The following EFCAB14 variants were observed in gnomAD, a reference collection of about 807,000 sequenced individuals.
The protein encoded by EFCAB14 is EF-hand calcium binding domain 14.
A neutral mutation model predicts 56.5 loss-of-function variants in EFCAB14; 43 were observed. The observed-to-expected ratio is 0.76, with a 90% CI of 0.60 to 0.98. The LOEUF (loss-of-function observed/expected upper bound fraction) is 0.98, where lower values mean the gene tolerates loss of function less well. Among genes scored for constraint, EFCAB14 ranks in the 50% least tolerant of loss-of-function variants. The pLI, the probability that EFCAB14 is intolerant of heterozygous loss-of-function variation, is 0.00. For synonymous variants in EFCAB14, 235 were observed against 212.9 expected, an observed-to-expected ratio of 1.10 and a Z score of -0.90; for missense variants, 538 against 580.3, an observed-to-expected ratio of 0.93 and a Z score of 0.75.
intron 10 of EFCAB14, among the ~76,000 whole-genome samples, chr1:46,682,677 A>G (rs761243006): frequency 2.6e-5 from 4 of 152,198 alleles, no homozygotes; most frequent in Non-Finnish European, 4.4e-5. Flanking sequence ...GCACTCAGTG[A>G]ATGAAGACCC....
At position 46,716,450 on chromosome 1, in the gene EFCAB14, A is replaced by G; in HGVS notation, c.186-7T>C. ...GCATCGTAAATAGTCTCCCCTGCTC[A>G]AGAGGACAAATTCAACCATGAGTAC... On this transcript the variant is annotated splice_region_variant and splice_polypyrimidine_tract_variant and intron_variant, in intron 1 of 10. Coordinates refer to ENST00000371933, the MANE Select transcript of EFCAB14 (RefSeq NM_014774.3). The G allele has an allele frequency of 1.2e-6, 2 of 1,613,672 alleles. No individual in the cohort carries two copies. Among genetic ancestry groups the G allele is most frequent in the Non-Finnish European group, 1.7e-6 (2 of 1,179,844 alleles).
chr1:46,710,931 C>G (rs1275332033), intron 2 of EFCAB14, among the ~76,000 whole-genome samples: 1 of 152,194 alleles, frequency 6.6e-6, no homozygotes, highest in East Asian at 1.9e-4. Context: ...TTTCACTTAA[C>G]AACGTCCTTC....
intron 10 of EFCAB14, among the ~76,000 whole-genome samples, chr1:46,680,738 T>C (rs796324511): frequency 1.3e-5 from 2 of 152,218 alleles, no homozygotes; most frequent in African/African-American, 4.8e-5. Context: ...TTATGGTATG[T>C]GAATTGTATT....
chr1:46,688,012 C>CA (rs1676914605), intron 7 of EFCAB14, among the ~76,000 whole-genome samples: 1 of 152,138 alleles, frequency 6.6e-6, no homozygotes, highest in South Asian at 2.1e-4. Context: ...AGAAAAGACC[C>CA]AAAAGGCCCT....
intron 2 of EFCAB14, among the ~76,000 whole-genome samples, chr1:46,714,282 ATTTC>A (rs1462942369): frequency 6.6e-6 from 1 of 152,128 alleles, no homozygotes; most frequent in Non-Finnish European, 1.5e-5. Context: ...CTGGAGCCAG[ATTTC>A]TTTATGACCT....
At chr1:46,695,380 G>A (rs997635716) in intron 4 of EFCAB14, among the ~76,000 whole-genome samples, 17 of 151,452 alleles carry the variant, frequency 1.1e-4, no homozygotes, top group Admixed American at 9.9e-4. Flanking sequence ...TTTTCCCCCC[G>A]AATTTGTAAG....
Position 46,718,927 on chromosome 1 carries a change from G to C in EFCAB14, c.-840C>G, listed in dbSNP as rs935484650. On this transcript the variant is annotated 5_prime_UTR_variant, in exon 1 of 11. Transcript: ENST00000371933. The stretch of plus-strand genomic sequence containing the variant: ...AAAGCGCTCCCGCCCGGAGTTTGAG[G>C]TCTCCGGCACGGGCAACTCTCGGCC... The C allele has an allele frequency of 6.5e-6, 1 of 152,720 alleles. No individual in the cohort carries two copies. Among genetic ancestry groups the C allele is most frequent in the South Asian group, 2.0e-4 (1 of 5,098 alleles). 9.5% of individuals were successfully genotyped at this position (152,720 alleles called of 1,614,324 possible).
chr1:46,700,186 G>A (rs1417017351), intron 3 of EFCAB14, among the ~76,000 whole-genome samples: 1 of 152,178 alleles, frequency 6.6e-6, no homozygotes, highest in Non-Finnish European at 1.5e-5. Flanking sequence ...AAGTTTTGGG[G>A]TAATTTGTAA....
rs1397154939 is a variant in EFCAB14 at position 46,689,635 on chromosome 1, T to G, written c.747A>C (p.Ser249=). Reference sequence around the variant, plus strand: ...TTTTATTGTCAAGTTCTGATGTGGCTGAAGGTGACGGAATGATCTGGTTGC... The same window carrying G: ...TTTTATTGTCAAGTTCTGATGTGGCGGAAGGTGACGGAATGATCTGGTTGC... ...PGSNQIIPSP[S]ATSELDNKTH... is the part of the protein sequence containing the mutation. The change falls in exon 6 of 11, where the codon TCA becomes TCC. Residue 249 remains serine, a synonymous_variant. Transcript: ENST00000371933. 6.2e-7 allele frequency: 1 copy of G among 1,613,832 alleles called. No individual in the cohort carries two copies. Among genetic ancestry groups the G allele is most frequent in the African/African-American group, 1.3e-5 (1 of 74,914 alleles).
intron 2 of EFCAB14, among the ~76,000 whole-genome samples, chr1:46,713,793 G>A (rs1314134879): frequency 2.6e-5 from 4 of 152,276 alleles, no homozygotes; most frequent in African/African-American, 9.6e-5. Flanking sequence ...TGACGGCACA[G>A]ACAGGTGTCT....
At chr1:46,715,157 T>C (rs991570280) in intron 2 of EFCAB14, among the ~76,000 whole-genome samples, 1 of 152,204 alleles carries the variant, frequency 6.6e-6, no homozygotes, top group Admixed American at 6.5e-5. Context: ...CTGATAAGTA[T>C]GCAGAAAACC....
At chr1:46,692,024 T>A (rs1440696303) in intron 4 of EFCAB14, 87 bp from the exon 5 acceptor site, 25 of 933,874 alleles carry the variant, frequency 2.7e-5, no homozygotes, top group Non-Finnish European at 1.7e-5. Flanking sequence ...AATGTATAAT[T>A]TGAATGTTTT....
chr1:46,684,440 G>A (rs1421571020), intron 9 of EFCAB14, 51 bp downstream of exon 9: 2 of 1,486,798 alleles, frequency 1.3e-6, no homozygotes, highest in Non-Finnish European at 1.9e-6. Context: ...CATGTGAGAG[G>A]CAAGCTGCTC....
Position 46,706,180 on chromosome 1 carries a change from A to T in EFCAB14, c.480+1726T>A, listed in dbSNP as rs188146568. ...CCACACCTGACCTTAAGTCTTCTTT[A>T]TATTAATTAGCCTATGATAAAACTG... On this transcript the variant is annotated intron_variant, in intron 3 of 10. Coordinates refer to ENST00000371933, the MANE Select transcript of EFCAB14 (RefSeq NM_014774.3). Among the ~76,000 whole-genome samples the T allele has an allele frequency of 3.9e-5, 6 of 152,214 alleles. No homozygotes were observed. In the East Asian group the frequency reaches 7.7e-4, roughly 20 times the overall value.
Position 46,678,253 on chromosome 1 carries a change from A to G in EFCAB14, c.*208T>C. 2.3e-6 allele frequency: 1 copy of G among 442,526 alleles called. No individual in the cohort carries two copies. The highest frequency in any genetic ancestry group is 3.9e-6 in the Non-Finnish European group (1 of 255,276). The allele number at this position is 442,526 out of a possible 1,614,324, so 27.4% of individuals were successfully genotyped here. On this transcript the variant is annotated 3_prime_UTR_variant, in exon 11 of 11. Coordinates refer to ENST00000371933, the MANE Select transcript of EFCAB14 (RefSeq NM_014774.3). Reference sequence around the variant, plus strand: ...AATGTAAGATCTTACTGGTTGTAGGAAATCATAGATTTCTGAACATCATAA... The same window carrying G: ...AATGTAAGATCTTACTGGTTGTAGGGAATCATAGATTTCTGAACATCATAA...
At position 46,718,127 on chromosome 1, in the gene EFCAB14, G is replaced by A. The variant is rs367735612; in HGVS notation, c.-40C>T. On this transcript the variant is annotated 5_prime_UTR_variant, in exon 1 of 11. Transcript: ENST00000371933. ...TGAGTGGAGCCCCGACTCCTGAGCTGCCAGGTTCGTACCCGATGCCCAATT... is the reference window on the plus strand; with the variant it reads ...TGAGTGGAGCCCCGACTCCTGAGCTACCAGGTTCGTACCCGATGCCCAATT... 6.3e-6 allele frequency: 10 copies of A among 1,599,634 alleles called. No homozygotes were observed. The highest frequency in any genetic ancestry group is 8.5e-6 in the Non-Finnish European group (10 of 1,170,452).
chr1:46,712,341 A>G (rs1677321823), intron 2 of EFCAB14, among the ~76,000 whole-genome samples: 1 of 152,196 alleles, frequency 6.6e-6, no homozygotes, highest in African/African-American at 2.4e-5. Context: ...GTGGAGTGAC[A>G]GAAAAGGATG....
intron 4 of EFCAB14, among the ~76,000 whole-genome samples, chr1:46,693,363 C>T (rs1157409252): frequency 2.6e-5 from 4 of 152,074 alleles, no homozygotes; most frequent in East Asian, 1.9e-4. Context: ...CAAGAGAACA[C>T]GAGATGACAC....
At position 46,678,154 on chromosome 1, in the gene EFCAB14, A is replaced by G. The variant is rs1311195120; in HGVS notation, c.*307T>C. On this transcript the variant is annotated 3_prime_UTR_variant, in exon 11 of 11. Coordinates refer to ENST00000371933, the MANE Select transcript of EFCAB14 (RefSeq NM_014774.3). ...TCTATATACATTTCCCAGCTTTAAAAGATAAGGTCTCCTCCCCTCAAAAAA... is the reference window on the plus strand; with the variant it reads ...TCTATATACATTTCCCAGCTTTAAAGGATAAGGTCTCCTCCCCTCAAAAAA... 1 of 221,598 alleles carries G rather than the reference A, an allele frequency of 4.5e-6. No individual in the cohort carries two copies. 13.7% of individuals were successfully genotyped at this position (221,598 alleles called of 1,614,324 possible).
Sources: gnomAD v4.1 joint callset for allele counts (sites outside exome capture counted in the v4.1 genomes callset) on GRCh38, gnomAD v4.1.1 for gene constraint, MANE v1.5 for transcripts, NCBI Gene and HGNC (gene_info 2026-07-23, HGNC 2026-07-21) for gene names.